The following RIT2 variants were observed in gnomAD, a reference collection of about 807,000 sequenced individuals.
RIT2 encodes the protein GTP-binding protein Rit2.
RIT2 carries 24 observed loss-of-function variants against 23.7 expected under a neutral mutation model. That is an observed-to-expected ratio of 1.01 (90% CI 0.73 to 1.43). RIT2 has a LOEUF of 1.43. Among genes scored for constraint, RIT2 ranks in the 40% most tolerant of loss-of-function variants. The probability of loss-of-function intolerance (pLI) is 0.00; values close to 1 mark genes in which losing one functional copy is unlikely to be tolerated. For synonymous variants in RIT2, 107 were observed against 91.1 expected (o/e 1.17, Z -0.99); for missense variants, 236 against 266.9 (o/e 0.88, Z 0.81).
chr18:42,895,585 G>T (rs1399979675), intron 4 of RIT2, among the ~76,000 whole-genome samples: 1 of 152,124 alleles, frequency 6.6e-6, no homozygotes, highest in African/African-American at 2.4e-5. Context: ...AAGTAAAAGG[G>T]CCACTATGTA....
intron 4 of RIT2, among the ~76,000 whole-genome samples, chr18:42,902,241 G>A (rs1230807170): frequency 6.6e-6 from 1 of 151,748 alleles, no homozygotes; most frequent in Non-Finnish European, 1.5e-5. Flanking sequence ...TTCTCCGTAA[G>A]TTTACAAATG....
intron 1 of RIT2, among the ~76,000 whole-genome samples, chr18:43,062,349 C>A (rs1455774607): frequency 6.6e-6 from 1 of 152,100 alleles, no homozygotes; most frequent in African/African-American, 2.4e-5. Flanking sequence ...GCAGCTGTGA[C>A]CCAGTTACAA....
At chr18:42,899,005 T>C (rs547572353) in intron 4 of RIT2, among the ~76,000 whole-genome samples, 14 of 152,248 alleles carry the variant, frequency 9.2e-5, no homozygotes, top group African/African-American at 2.9e-4. Context: ...AGAGTCTTCA[T>C]TGTGGTAATT....
At chr18:42,833,053 C>CAAAAAA (rs35952869) in intron 4 of RIT2, among the ~76,000 whole-genome samples, 3 of 77,888 alleles carry the variant, frequency 3.9e-5, no homozygotes, top group African/African-American at 1.4e-4. Context: ...GACTTCATCT[C>CAAAAAA]AAAAAAAAAA....
At chr18:43,097,514 T>A (rs774568269) in intron 1 of RIT2, among the ~76,000 whole-genome samples, 1 of 151,862 alleles carries the variant, frequency 6.6e-6, no homozygotes, top group African/African-American at 2.4e-5. Flanking sequence ...GCAGAGAAGA[T>A]TCCAGAAAGC....
intron 4 of RIT2, among the ~76,000 whole-genome samples, chr18:42,861,903 C>G (rs1001821433): frequency 5.3e-5 from 8 of 152,098 alleles, no homozygotes; most frequent in African/African-American, 1.7e-4. Flanking sequence ...TATTTCCAAG[C>G]ATACTATTTT....
At chr18:42,825,682 G>T (rs1568005989) in intron 4 of RIT2, among the ~76,000 whole-genome samples, 1 of 151,092 alleles carries the variant, frequency 6.6e-6, no homozygotes, top group Non-Finnish European at 1.5e-5. Flanking sequence ...TTCATGCCTG[G>T]TACTGTTTTA....
chr18:42,826,719 CTAAGG>C (rs1243405686), intron 4 of RIT2, among the ~76,000 whole-genome samples: 33 of 151,982 alleles, frequency 2.2e-4, no homozygotes, highest in Non-Finnish European at 4.9e-4. Context: ...ATGGACTATT[CTAAGG>C]TTTTTCAGAA....
At chr18:43,036,537 C>A (rs1239384477) in intron 1 of RIT2, among the ~76,000 whole-genome samples, 1 of 151,848 alleles carries the variant, frequency 6.6e-6, no homozygotes, top group Admixed American at 6.6e-5. Flanking sequence ...CAGACTCCAT[C>A]CCCCGCTACC....
intron 4 of RIT2, among the ~76,000 whole-genome samples, chr18:42,877,948 GT>G (rs1907786962): frequency 6.6e-6 from 1 of 151,778 alleles, no homozygotes; most frequent in South Asian, 2.1e-4. Context: ...TGAATTCTGT[GT>G]TTAGACTTCG....
At chr18:43,115,367 T>C in intron 1 of RIT2, 50 bp downstream of exon 1, 3 of 1,594,132 alleles carry the variant, frequency 1.9e-6, no homozygotes, top group Non-Finnish European at 2.6e-6. Flanking sequence ...CTCTATAGAG[T>C]TGTCTCTATA....
intron 4 of RIT2, among the ~76,000 whole-genome samples, chr18:42,809,119 G>C (rs577428730): frequency 1.2e-4 from 19 of 152,186 alleles, no homozygotes; most frequent in African/African-American, 4.3e-4. Flanking sequence ...GTGATTAATA[G>C]AAATATGAAA....
At chr18:43,066,013 T>G (rs1328475630) in intron 1 of RIT2, among the ~76,000 whole-genome samples, 1 of 152,170 alleles carries the variant, frequency 6.6e-6, no homozygotes, top group East Asian at 1.9e-4. Flanking sequence ...AAATTTTAAT[T>G]TATAGCATTA....
At position 42,770,126 on chromosome 18, in the gene RIT2, G is replaced by A. The variant is rs572794077; in HGVS notation, c.427-26406C>T. Among the ~76,000 whole-genome samples the A allele has an allele frequency of 3.9e-5, 6 of 152,070 alleles. No homozygotes were observed. In the East Asian group the frequency reaches 9.7e-4, roughly 25 times the overall value. On this transcript the variant is annotated intron_variant, in intron 4 of 4. Transcript: ENST00000326695. ...AAGAATTGGTGTTTGGGGCATACAC[G>A]GAGGAAAGGAAGAATACGGAATTGT...
rs551090743 is a variant in RIT2, at chr18:42,841,829, A to C, written c.426+81743T>G. 7.5e-4 allele frequency among the ~76,000 whole-genome samples: 114 copies of C among 152,296 alleles called. 1 individual carries two copies. The Middle Eastern group carries it at 0.017, about 23-fold the overall frequency. ...TATTAATCCAGCCCAAAATTGTCCA[A>C]GCTCTGAAGCAGGTGACTTATACTA... is the stretch of plus-strand genomic sequence containing the variant. On this transcript the variant is annotated intron_variant, in intron 4 of 4. Coordinates refer to ENST00000326695, the MANE Select transcript of RIT2 (RefSeq NM_002930.4).
intron 2 of RIT2, among the ~76,000 whole-genome samples, chr18:43,015,148 G>A (rs1911444342): frequency 6.6e-6 from 1 of 151,700 alleles, no homozygotes; most frequent in Admixed American, 6.6e-5. Flanking sequence ...CTGTATAGTA[G>A]TTATATGAGT....
intron 1 of RIT2, among the ~76,000 whole-genome samples, chr18:43,074,322 T>C (rs1912963899): frequency 6.6e-6 from 1 of 152,220 alleles, no homozygotes; most frequent in African/African-American, 2.4e-5. Flanking sequence ...TAGGCATTCA[T>C]TTGTGTGTTT....
intron 4 of RIT2, among the ~76,000 whole-genome samples, chr18:42,746,833 C>A (rs1912928615): frequency 6.6e-6 from 1 of 152,014 alleles, no homozygotes; most frequent in African/African-American, 2.4e-5. Context: ...GCAGAAAAAG[C>A]ATTTGACAAA....
chr18:42,906,441 T>C (rs574210908), intron 4 of RIT2, among the ~76,000 whole-genome samples: 3 of 152,266 alleles, frequency 2.0e-5, no homozygotes, highest in African/African-American at 7.2e-5. Flanking sequence ...TAAGAGATGT[T>C]CCCTTTGATT....
Sources: gnomAD v4.1 joint callset for allele counts (sites outside exome capture counted in the v4.1 genomes callset) on GRCh38, gnomAD v4.1.1 for gene constraint, MANE v1.5 for transcripts, NCBI Gene and HGNC (gene_info 2026-07-23, HGNC 2026-07-21) for gene names.